The following KDM2A variants were observed in gnomAD, a reference collection of about 807,000 sequenced individuals.
KDM2A encodes lysine demethylase 2A, also known as lysine-specific demethylase 2A.
KDM2A carries 3 observed loss-of-function variants against 137.3 expected under a neutral mutation model. The observed-to-expected ratio is 0.02, with a 90% CI of 0.01 to 0.06. The LOEUF is 0.06. Among genes scored for constraint, KDM2A ranks in the 10% least tolerant of loss-of-function variants. The pLI, the probability that KDM2A is intolerant of heterozygous loss-of-function variation, is 1.00. For missense variants in KDM2A, 738 were observed against 1,510.6 expected, an observed-to-expected ratio of 0.49 and a Z score of 8.48; for synonymous variants, 512 against 541.5, an observed-to-expected ratio of 0.95 and a Z score of 0.76.
chr11:67,216,430 G>A (rs574352277), intron 8 of KDM2A, among the ~76,000 whole-genome samples: 74 of 152,258 alleles, frequency 4.9e-4, no homozygotes, highest in African/African-American at 1.7e-3. Context: ...AGGTTTTGAA[G>A]GATTATCTTT....
At chr11:67,179,720 A>T (rs1857046706) in intron 2 of KDM2A, among the ~76,000 whole-genome samples, 1 of 152,236 alleles carries the variant, frequency 6.6e-6, no homozygotes. Context: ...TATATTTTGT[A>T]TCCTGGCTTG....
chr11:67,193,677 A>G (rs1857409921), intron 5 of KDM2A, among the ~76,000 whole-genome samples: 1 of 152,126 alleles, frequency 6.6e-6, no homozygotes, highest in South Asian at 2.1e-4. Flanking sequence ...CCTGACCAAC[A>G]TGGCAAAACG....
chr11:67,255,373 C>T lies in KDM2A; in HGVS notation c.*318C>T, dbSNP rs919880977. 7 of 462,612 alleles carry T rather than the reference C, an allele frequency of 1.5e-5. No homozygotes were observed. Among genetic ancestry groups the T allele is most frequent in the African/African-American group, 4.0e-5 (2 of 50,512 alleles). 28.7% of individuals were successfully genotyped at this position (462,612 alleles called of 1,614,324 possible). ...TCTCAGTTTGGGGTGTTTGTGCAAC[C>T]TTCATCTGCACTGGGCCCTGTGCCC... On this transcript the variant is annotated 3_prime_UTR_variant, in exon 21 of 21. Coordinates refer to ENST00000529006, the MANE Select transcript of KDM2A (RefSeq NM_012308.3).
intron 2 of KDM2A, among the ~76,000 whole-genome samples, chr11:67,166,602 G>C (rs753360367): frequency 1.6e-4 from 24 of 152,154 alleles, no homozygotes; most frequent in Non-Finnish European, 1.5e-4. Context: ...CATAAGACCT[G>C]TAGTCCCAGT....
At chr11:67,170,408 CTTTTTTTTTTTT>C (rs923665021) in intron 2 of KDM2A, among the ~76,000 whole-genome samples, 3 of 92,840 alleles carry the variant, frequency 3.2e-5, no homozygotes, top group African/African-American at 9.1e-5. Flanking sequence ...TTCTTTCTTT[CTTTTTTTTTTTT>C]TTTTTTTTTT....
chr11:67,124,060 A>G (rs999912012), intron 2 of KDM2A, among the ~76,000 whole-genome samples: 8 of 151,746 alleles, frequency 5.3e-5, no homozygotes, highest in East Asian at 1.9e-4. Context: ...CTGGAGTGCA[A>G]TGGCACTATC....
chr11:67,167,655 A>C (rs2136322276), intron 2 of KDM2A, among the ~76,000 whole-genome samples: 1 of 151,770 alleles, frequency 6.6e-6, no homozygotes, highest in East Asian at 1.9e-4. Flanking sequence ...AGGTACGCAT[A>C]AGCTTCCTGC....
chr11:67,158,494 A>G (rs534402659), intron 2 of KDM2A, among the ~76,000 whole-genome samples: 108 of 152,356 alleles, frequency 7.1e-4, no homozygotes, highest in African/African-American at 2.4e-3. Flanking sequence ...TGTTTTCCAA[A>G]GTAGCTGTAC....
chr11:67,245,028 G>T lies in KDM2A; in HGVS notation c.1564-161G>T. On this transcript the variant is annotated intron_variant, in intron 13 of 20. Transcript: ENST00000529006. The surrounding 1 kb of genome is among the most constrained non-coding windows in gnomAD (Gnocchi z 4.1). Reference sequence around the variant, plus strand: ...GCAGCCATTGATAATACATACACAAGATGAGTTGTGTGTCAATAAAATTTA... The same window carrying T: ...GCAGCCATTGATAATACATACACAATATGAGTTGTGTGTCAATAAAATTTA... 20 of 674,156 alleles carry T rather than the reference G, an allele frequency of 3.0e-5. No individual in the cohort carries two copies. Among genetic ancestry groups the T allele is most frequent in the Non-Finnish European group, 4.0e-5 (16 of 397,930 alleles). The allele number at this position is 674,156 out of a possible 1,614,324, so 41.8% of individuals were successfully genotyped here.
At chr11:67,205,105 C>T (rs1446880139) in intron 5 of KDM2A, among the ~76,000 whole-genome samples, 2 of 152,160 alleles carry the variant, frequency 1.3e-5, no homozygotes, top group East Asian at 1.9e-4. Context: ...GCTGCACCAT[C>T]TTATATTCCC....
chr11:67,162,680 A>G (rs1022841861), intron 2 of KDM2A, among the ~76,000 whole-genome samples: 25 of 152,186 alleles, frequency 1.6e-4, no homozygotes, highest in African/African-American at 5.5e-4. Flanking sequence ...TGCTGGGATT[A>G]CAGGCATGAG....
At chr11:67,223,053 G>C (rs1377268842) in intron 10 of KDM2A, among the ~76,000 whole-genome samples, 3 of 152,004 alleles carry the variant, frequency 2.0e-5, no homozygotes, top group Non-Finnish European at 4.4e-5. Flanking sequence ...TTAGCCAGGC[G>C]TGGTGGCACA....
At chr11:67,247,449 A>T (rs1274897818) in intron 15 of KDM2A, among the ~76,000 whole-genome samples, 1 of 127,380 alleles carries the variant, frequency 7.9e-6, no homozygotes, top group Non-Finnish European at 1.6e-5. Context: ...TTTTTTTAAG[A>T]CATGGTCTCC....
At chr11:67,143,980 C>T (rs563203234) in intron 2 of KDM2A, among the ~76,000 whole-genome samples, 2 of 150,948 alleles carry the variant, frequency 1.3e-5, no homozygotes, top group South Asian at 2.1e-4. Flanking sequence ...CTCCCTCTGT[C>T]GCCCAGACTG....
In KDM2A at chr11:67,121,334, A is replaced by G. The variant is rs777629476; in HGVS notation, c.18A>G (p.Glu6=). The G allele has an allele frequency of 6.2e-7, 1 of 1,613,880 alleles. No individual in the cohort carries two copies. Among genetic ancestry groups the G allele is most frequent in the Non-Finnish European group, 8.5e-7 (1 of 1,179,822 alleles). MEPEE[E]RIRYSQRLRG... is the part of the protein sequence containing the mutation. ...AGTGAGAGATGGAACCCGAAGAAGA[A>G]AGGATTCGTTACAGCCAGAGATTGG... Residue 6 remains glutamate, a synonymous_variant, in exon 2 of 21, where the codon GAA becomes GAG. Coordinates refer to ENST00000529006, the MANE Select transcript of KDM2A (RefSeq NM_012308.3).
chr11:67,247,061 ATATATATATAT>A (rs1859253899), intron 15 of KDM2A, among the ~76,000 whole-genome samples: 1 of 24,478 alleles, frequency 4.1e-5, no homozygotes, highest in East Asian at 7.5e-4. Context: ...ATATATATAT[ATATATATATAT>A]TTTTTTTTTT....
At chr11:67,162,123 A>C (rs2136317494) in intron 2 of KDM2A, among the ~76,000 whole-genome samples, 1 of 152,254 alleles carries the variant, frequency 6.6e-6, no homozygotes, top group Admixed American at 6.5e-5. Context: ...AAGAAATATA[A>C]TGATGGATAA....
intron 5 of KDM2A, among the ~76,000 whole-genome samples, chr11:67,186,383 G>A (rs965580290): frequency 1.3e-5 from 2 of 152,174 alleles, no homozygotes; most frequent in African/African-American, 4.8e-5. Flanking sequence ...AAACAAAACT[G>A]TCAACCAAGC....
chr11:67,229,628 T>C (rs1015439482), intron 11 of KDM2A, among the ~76,000 whole-genome samples: 2 of 152,116 alleles, frequency 1.3e-5, no homozygotes, highest in Admixed American at 1.3e-4. Context: ...CCCAGCACTT[T>C]GGGAGGCTGA....
Sources: allele counts gnomAD v4.1 joint callset (sites outside exome capture counted in the v4.1 genomes callset), GRCh38; gene constraint gnomAD v4.1.1; non-coding constraint Gnocchi (gnomAD v3.1); transcripts MANE v1.5; gene names NCBI Gene and HGNC (gene_info 2026-07-23, HGNC 2026-07-21).